ATP6V0A1: variants seen among roughly 807,000 people sequenced by gnomAD.
ATP6V0A1 encodes the protein V-type proton ATPase 116 kDa subunit a 1.
A neutral mutation model predicts 105.4 loss-of-function variants in ATP6V0A1; 43 were observed. That is an observed-to-expected ratio of 0.41 (90% CI 0.32 to 0.53). The LOEUF is 0.53. Ranked by LOEUF, ATP6V0A1 falls within the 20% of genes least tolerant of loss-of-function variation. ATP6V0A1 has a pLI of 0.30. For synonymous variants in ATP6V0A1, 362 were observed against 372.8 expected (o/e 0.97, Z 0.33); for missense variants, 676 against 1,051.1 (o/e 0.64, Z 4.93).
rs948944561 is a variant in ATP6V0A1, at chr17:42,458,894, C to A, written c.-117C>A. ...GACGCAAGCACGTCGAAGCGCTGCT[C>A]CTGGAGCCGCGGAGGGTGCGGGTTT... On this transcript the variant is annotated 5_prime_UTR_variant, in exon 1 of 22. Coordinates refer to ENST00000343619, the MANE Select transcript of ATP6V0A1 (RefSeq NM_001130021.3). The A allele has an allele frequency of 7.8e-5, 12 of 153,770 alleles. No homozygotes were observed. The highest frequency in any genetic ancestry group is 2.6e-4 in the African/African-American group (11 of 41,590). The allele number at this position is 153,770 out of a possible 1,614,324, so 9.5% of individuals were successfully genotyped here. A position where few individuals can be genotyped will look rare whatever the true frequency, so the allele number is the denominator to read the frequency against.
chr17:42,506,901 A>G (rs761290541), intron 17 of ATP6V0A1, among the ~76,000 whole-genome samples: 8 of 152,204 alleles, frequency 5.3e-5, no homozygotes, highest in Admixed American at 1.3e-4. Context: ...GCTGAAGAAA[A>G]GGAGCCCCTA....
intron 17 of ATP6V0A1, among the ~76,000 whole-genome samples, chr17:42,501,728 A>C (rs1226509276): frequency 6.6e-6 from 1 of 151,440 alleles, no homozygotes; most frequent in Admixed American, 6.6e-5. Context: ...TCTGTATACT[A>C]TTAAAACGCA....
chr17:42,501,011 G>T (rs2091623781), intron 16 of ATP6V0A1, 88 bp downstream of exon 16: 3 of 1,384,894 alleles, frequency 2.2e-6, no homozygotes, highest in Admixed American at 1.8e-5. Flanking sequence ...ATTTATAACT[G>T]CCCTTCTATG....
At chr17:42,483,256 G>A (rs72823091) in intron 9 of ATP6V0A1, 125 bp downstream of exon 9, 5 of 591,868 alleles carry the variant, frequency 8.4e-6, no homozygotes, top group Admixed American at 4.2e-5. Flanking sequence ...AAAAAGAAAT[G>A]TACATGGGTA....
chr17:42,468,956 G>A (rs554139902), intron 4 of ATP6V0A1, among the ~76,000 whole-genome samples: 59 of 151,992 alleles, frequency 3.9e-4, no homozygotes, highest in African/African-American at 1.4e-3. Context: ...AGCAGTTCTA[G>A]TACCTCAGCC....
chr17:42,460,027 A>C (rs2086221833), intron 1 of ATP6V0A1, among the ~76,000 whole-genome samples: 1 of 152,214 alleles, frequency 6.6e-6, no homozygotes, highest in Admixed American at 6.5e-5. Flanking sequence ...CAGTTGTCTC[A>C]TACCCGGCAA....
At position 42,494,404 on chromosome 17, in the gene ATP6V0A1, A is replaced by C; in HGVS notation, c.1245A>C (p.Leu415Phe). 1 of 1,613,284 alleles carries C rather than the reference A, an allele frequency of 6.2e-7. No individual in the cohort carries two copies. The highest frequency in any genetic ancestry group is 8.5e-7 in the Non-Finnish European group (1 of 1,179,362). ...TTGGAGACTTCGGTCATGGCATTTT[A>C]ATGACCCTTTTTGCTGTGTGGATGG... ...VMFGDFGHGILMTLFAVWMVL... is the reference protein window; with the variant it reads ...VMFGDFGHGIFMTLFAVWMVL... Residue 415 changes from leucine to phenylalanine, a missense_variant, in exon 12 of 22, where the codon TTA becomes TTC. Leu to Phe is a conservative substitution (Grantham distance 22). Coordinates refer to ENST00000343619, the MANE Select transcript of ATP6V0A1 (RefSeq NM_001130021.3).
intron 19 of ATP6V0A1, 147 bp downstream of exon 19, chr17:42,508,736 G>T: frequency 9.1e-7 from 1 of 1,097,414 alleles, no homozygotes; most frequent in Non-Finnish European, 1.3e-6. Context: ...AAACCAGTTC[G>T]TGAGCCTGTG....
intron 14 of ATP6V0A1, among the ~76,000 whole-genome samples, chr17:42,496,803 T>C (rs1326696672): frequency 6.6e-6 from 1 of 151,946 alleles, no homozygotes; most frequent in Non-Finnish European, 1.5e-5. Context: ...GCCACTGCAC[T>C]CCAGCCTGGG....
intron 7 of ATP6V0A1, 102 bp from the exon 8 acceptor site, chr17:42,480,565 A>T (rs1194141579): frequency 9.4e-7 from 1 of 1,067,960 alleles, no homozygotes; most frequent in Non-Finnish European, 1.3e-6. Flanking sequence ...ATGTCCTTAA[A>T]AGATGCCTGT....
At chr17:42,464,287 T>G (rs1264292179) in intron 2 of ATP6V0A1, among the ~76,000 whole-genome samples, 2 of 152,256 alleles carry the variant, frequency 1.3e-5, no homozygotes, top group East Asian at 3.8e-4. Context: ...ACGTAGCTTA[T>G]TATTAATCTT....
chr17:42,485,450 A>G (rs536949166), intron 9 of ATP6V0A1, among the ~76,000 whole-genome samples: 5 of 152,360 alleles, frequency 3.3e-5, no homozygotes, highest in African/African-American at 1.2e-4. Context: ...ATACCAAGGA[A>G]TGGGATGAGG....
At chr17:42,459,421 A>G (rs1555597092) in intron 1 of ATP6V0A1, among the ~76,000 whole-genome samples, 1 of 152,236 alleles carries the variant, frequency 6.6e-6, no homozygotes, top group Non-Finnish European at 1.5e-5. Flanking sequence ...GGGGCGCTGT[A>G]GTTGGACTCA....
chr17:42,508,714 A>G lies in ATP6V0A1; in HGVS notation c.2130+125A>G. On this transcript the variant is annotated intron_variant, in intron 19 of 21. Coordinates refer to ENST00000343619, the MANE Select transcript of ATP6V0A1 (RefSeq NM_001130021.3). Reference sequence around the variant, plus strand: ...CATGACTCCTGTGCCTCTGCATCTCACTGGCCATTTCAAACCAGTTCGTGA... The same window carrying G: ...CATGACTCCTGTGCCTCTGCATCTCGCTGGCCATTTCAAACCAGTTCGTGA... 2.3e-6 allele frequency: 3 copies of G among 1,322,854 alleles called. No individual in the cohort carries two copies. In the South Asian group the frequency reaches 3.7e-5, roughly 16 times the overall value. 81.9% of individuals were successfully genotyped at this position (1,322,854 alleles called of 1,614,324 possible).
chr17:42,505,847 G>A (rs1171239442), intron 17 of ATP6V0A1, among the ~76,000 whole-genome samples: 3 of 150,830 alleles, frequency 2.0e-5, no homozygotes, highest in African/African-American at 7.3e-5. Flanking sequence ...GAGTGCAGTG[G>A]TATGATCTCA....
chr17:42,515,207 C>G (rs2092559808), intron 21 of ATP6V0A1, among the ~76,000 whole-genome samples: 2 of 152,070 alleles, frequency 1.3e-5, no homozygotes, highest in Admixed American at 6.6e-5. Flanking sequence ...TGGCTCATGC[C>G]TGTAATCCTA....
At chr17:42,500,566 A>G in intron 15 of ATP6V0A1, 141 bp from the exon 16 acceptor site, 1 of 668,016 alleles carries the variant, frequency 1.5e-6, no homozygotes, top group Non-Finnish European at 2.6e-6. Flanking sequence ...TGTTGTCTCC[A>G]GCTTCTGGTT....
chr17:42,498,938 T>C lies in ATP6V0A1; in HGVS notation c.1575T>C (p.Ala525=). 1.2e-6 allele frequency: 2 copies of C among 1,610,306 alleles called. No individual in the cohort carries two copies. Among genetic ancestry groups the C allele is most frequent in the Non-Finnish European group, 1.7e-6 (2 of 1,176,658 alleles). Residue 525 remains alanine (A), a synonymous_variant, in exon 15 of 22, where the codon GCT becomes GCC. Transcript: ENST00000343619. ...GGTTATGACAGATTTGGAACATTGC[T>C]ACCAATAAACTGACGTTCTTGAACT... ...PFGIDPIWNI[A]TNKLTFLNSF...
At position 42,513,172 on chromosome 17, in the gene ATP6V0A1, A is replaced by G. The variant is rs182809380; in HGVS notation, c.2131-689A>G. 6.4e-4 allele frequency among the ~76,000 whole-genome samples: 98 copies of G among 152,330 alleles called. No homozygotes were observed. In the Middle Eastern group the frequency reaches 0.01, roughly 16 times the overall value. The stretch of plus-strand genomic sequence containing the variant: ...ACAAGAAACTGGAGATATGCTATTT[A>G]GTCTTAACCCAAACAGATATGCTGT... On this transcript the variant is annotated intron_variant, in intron 19 of 21. Coordinates refer to ENST00000343619, the MANE Select transcript of ATP6V0A1 (RefSeq NM_001130021.3).
Sources: gnomAD v4.1 joint callset for allele counts (sites outside exome capture counted in the v4.1 genomes callset) on GRCh38, gnomAD v4.1.1 for gene constraint, MANE v1.5 for transcripts, NCBI Gene and HGNC (gene_info 2026-07-23, HGNC 2026-07-21) for gene names.